PIK3R5: variants seen among roughly 807,000 people sequenced by gnomAD.
PIK3R5 encodes the protein phosphoinositide-3-kinase regulatory subunit 5.
A neutral mutation model predicts 94.9 loss-of-function variants in PIK3R5; 32 were observed. The ratio of observed to expected loss-of-function variants is 0.34; its 90% CI spans 0.25 to 0.45. The LOEUF is 0.45. Among genes scored for constraint, PIK3R5 ranks in the 20% least tolerant of loss-of-function variants. PIK3R5 has a pLI of 1.00. For missense variants in PIK3R5, 853 were observed against 1,144.6 expected, an observed-to-expected ratio of 0.75 and a Z score of 3.68; for synonymous variants, 443 against 479.4, an observed-to-expected ratio of 0.92 and a Z score of 0.99.
At chr17:8,931,618 C>T (rs903618116) in intron 1 of PIK3R5, among the ~76,000 whole-genome samples, 6 of 152,182 alleles carry the variant, frequency 3.9e-5, no homozygotes, top group African/African-American at 1.2e-4. Context: ...AATGGCTGGA[C>T]TGTGTGGGGC....
rs572168209 is a variant in PIK3R5, at chr17:8,896,157, T to A, written c.413-2502A>T. 6.6e-6 allele frequency among the ~76,000 whole-genome samples: 1 copy of A among 152,198 alleles called. No individual in the cohort carries two copies. The highest frequency in any genetic ancestry group is 6.5e-5 in the Admixed American group (1 of 15,280). The stretch of plus-strand genomic sequence containing the variant: ...GTACTGCCGAGTCCCCATTTGCTGG[T>A]ATGTGCTGTGAGGTTGGAAATATCT... On this transcript the variant is annotated intron_variant, in intron 5 of 18. Transcript: ENST00000447110. The surrounding 1 kb of genome is among the most constrained non-coding windows in gnomAD (Gnocchi z 4.0).
rs373087089 is a variant in PIK3R5, at chr17:8,911,374, C to T, written c.103+18G>A. Reference sequence around the variant, plus strand: ...TTCCTTGAGCCCTCAAACACCTCCCCGGCTCCCTTGGACCGACCTGACCAG... The same window carrying T: ...TTCCTTGAGCCCTCAAACACCTCCCTGGCTCCCTTGGACCGACCTGACCAG... On this transcript the variant is annotated intron_variant, in intron 2 of 18. Transcript: ENST00000447110. The surrounding 1 kb of genome is among the most constrained non-coding windows in gnomAD (Gnocchi z 5.3). 24 of 1,591,286 alleles carry T rather than the reference C, an allele frequency of 1.5e-5. No homozygotes were observed. Among genetic ancestry groups the T allele is most frequent in the African/African-American group, 9.4e-5 (7 of 74,772 alleles).
At chr17:8,940,447 G>A (rs780761315) in intron 1 of PIK3R5, among the ~76,000 whole-genome samples, 25 of 152,340 alleles carry the variant, frequency 1.6e-4, no homozygotes, top group Non-Finnish European at 3.2e-4. Flanking sequence ...GAAAACTCAC[G>A]AAGGGACGCC....
rs531548138 is a variant in PIK3R5, at chr17:8,884,356, C to A, written c.2205+351G>T. Among the ~76,000 whole-genome samples the A allele has an allele frequency of 2.3e-4, 35 of 152,206 alleles. No individual in the cohort carries two copies. The East Asian group carries it at 5.6e-3, about 24-fold the overall frequency. On this transcript the variant is annotated intron_variant, in intron 15 of 18. Coordinates refer to ENST00000447110, the MANE Select transcript of PIK3R5 (RefSeq NM_001142633.3). This position sits in a 1 kb window ranked among gnomAD's most constrained non-coding sequence, Gnocchi z 5.8. Reference sequence around the variant, plus strand: ...CATGCAGCCTGCCAGGCACACTGGCCCCCCGAGACCCTGGCTTCTCCCTGA... The same window carrying A: ...CATGCAGCCTGCCAGGCACACTGGCACCCCGAGACCCTGGCTTCTCCCTGA...
chr17:8,895,579 T>C (rs1462299997), intron 5 of PIK3R5, among the ~76,000 whole-genome samples: 1 of 152,130 alleles, frequency 6.6e-6, no homozygotes, highest in African/African-American at 2.4e-5. Flanking sequence ...TGTTTTGGAG[T>C]GCTTGGTACT....
chr17:8,895,267 CT>C (rs1486341901), intron 5 of PIK3R5, among the ~76,000 whole-genome samples: 5 of 152,202 alleles, frequency 3.3e-5, no homozygotes, highest in Non-Finnish European at 7.3e-5. Flanking sequence ...GCAAAATCTT[CT>C]CTTGACCTTA....
chr17:8,932,197 T>G (rs987192268), intron 1 of PIK3R5, among the ~76,000 whole-genome samples: 1 of 152,148 alleles, frequency 6.6e-6, no homozygotes, highest in African/African-American at 2.4e-5. Flanking sequence ...ACAGAGCAAG[T>G]TAACAGATGG....
At position 8,888,189 on chromosome 17, in the gene PIK3R5, C is replaced by G. The variant is rs1210770369; in HGVS notation, c.1598G>C (p.Arg533Pro). 5 of 1,613,376 alleles carry G rather than the reference C, an allele frequency of 3.1e-6. No individual in the cohort carries two copies. In the Admixed American group the frequency reaches 5.0e-5, roughly 16 times the overall value. The change falls in exon 10 of 19, where the codon CGG (arginine) becomes CCG (proline). Residue 533 changes from arginine to proline, a missense_variant. Around this residue, in one of 6 missense-constraint regions of PIK3R5, gnomAD observed 319 missense variants for 339.8 expected, o/e 0.94. Transcript: ENST00000447110. The surrounding 1 kb of genome is among the most constrained non-coding windows in gnomAD (Gnocchi z 7.8). Reference sequence around the variant, plus strand: ...CTCTTACCGAAGGTTGCTGTACGCCCGAGCCACCTTCCCTGAAATCCGATC... The same window carrying G: ...CTCTTACCGAAGGTTGCTGTACGCCGGAGCCACCTTCCCTGAAATCCGATC... ...GSDRISGKVA[R>P]AYSNLRRLEN...
At chr17:8,957,739 A>G (rs1251236201) in intron 1 of PIK3R5, among the ~76,000 whole-genome samples, 1 of 152,104 alleles carries the variant, frequency 6.6e-6, no homozygotes, top group East Asian at 1.9e-4. Context: ...TGAGCCTGGG[A>G]GCTCTGAGGT....
chr17:8,882,105 C>G lies in PIK3R5; in HGVS notation c.2206-224G>C, dbSNP rs1466222247. ...TCTAGGGGTCAGCAGCCTCTGTGAC[C>G]AGGTTGAAAGGTACAAGAGCTGAGA... On this transcript the variant is annotated intron_variant, in intron 15 of 18. Coordinates refer to ENST00000447110, the MANE Select transcript of PIK3R5 (RefSeq NM_001142633.3). The surrounding 1 kb of genome is among the most constrained non-coding windows in gnomAD (Gnocchi z 4.1). 3.6e-6 allele frequency: 2 copies of G among 560,732 alleles called. No individual in the cohort carries two copies. Among genetic ancestry groups the G allele is most frequent in the Non-Finnish European group, 6.4e-6 (2 of 312,058 alleles). 34.7% of individuals were successfully genotyped at this position (560,732 alleles called of 1,614,324 possible). A position where few individuals can be genotyped will look rare whatever the true frequency, so the allele number is the denominator to read the frequency against.
intron 6 of PIK3R5, 111 bp from the exon 7 acceptor site, chr17:8,891,023 C>T: frequency 1.9e-6 from 2 of 1,031,242 alleles, no homozygotes; most frequent in East Asian, 2.6e-5. Context: ...AGGGCCTCCT[C>T]AAGCCCAGGC....
In PIK3R5 at chr17:8,890,363, G is replaced by A. The variant is rs373168626; in HGVS notation, c.658-237C>T. 6.2e-4 allele frequency among the ~76,000 whole-genome samples: 94 copies of A among 152,276 alleles called. 4 individuals carry two copies. The South Asian group carries it at 0.018, about 30-fold the overall frequency. ...CACTGCAGTTAGGAGGGACTTCAGC[G>A]CTCCTCACTGTACCCCATAGAGGGG... is the stretch of plus-strand genomic sequence containing the variant. On this transcript the variant is annotated intron_variant, in intron 7 of 18. Coordinates refer to ENST00000447110, the MANE Select transcript of PIK3R5 (RefSeq NM_001142633.3). The surrounding 1 kb of genome is among the most constrained non-coding windows in gnomAD (Gnocchi z 6.1).
chr17:8,940,685 C>G (rs959459232), intron 1 of PIK3R5, among the ~76,000 whole-genome samples: 1 of 152,106 alleles, frequency 6.6e-6, no homozygotes, highest in Admixed American at 6.5e-5. Flanking sequence ...CTCAGCCTTC[C>G]GAGTAGCTGG....
chr17:8,884,869 C>A lies in PIK3R5; in HGVS notation c.2129-86G>T. 3 of 1,052,690 alleles carry A rather than the reference C, an allele frequency of 2.8e-6. No individual in the cohort carries two copies. The highest frequency in any genetic ancestry group is 2.9e-6 in the Non-Finnish European group (2 of 684,126). The allele number at this position is 1,052,690 out of a possible 1,614,324, so 65.2% of individuals were successfully genotyped here. On this transcript the variant is annotated intron_variant, in intron 14 of 18. Coordinates refer to ENST00000447110, the MANE Select transcript of PIK3R5 (RefSeq NM_001142633.3). The surrounding 1 kb of genome is among the most constrained non-coding windows in gnomAD (Gnocchi z 5.8). ...AGTGGCCTTGCCTCCCTGGGCCTTA[C>A]CTCCCCATCCCCTACCACATGGACC...
Position 8,888,536 on chromosome 17 carries a change from A to G in PIK3R5, c.1251T>C (p.Pro417=). ...TATAGATCCTGATGAACTTCTGCCC[A>G]GGCCTGCGGTGGCCTCGGCGTTCCT... ...GSQERRGHRR[P]GQKFIRIYKL... The change falls in exon 10 of 19, where the codon CCT becomes CCC. Residue 417 remains proline (P), a synonymous_variant. Transcript: ENST00000447110. The surrounding 1 kb of genome is among the most constrained non-coding windows in gnomAD (Gnocchi z 7.8). 2 of 1,611,870 alleles carry G rather than the reference A, an allele frequency of 1.2e-6. No individual in the cohort carries two copies. The highest frequency in any genetic ancestry group is 1.1e-5 in the South Asian group (1 of 90,906).
intron 5 of PIK3R5, among the ~76,000 whole-genome samples, chr17:8,899,747 A>G (rs1400375873): frequency 6.6e-6 from 1 of 152,118 alleles, no homozygotes; most frequent in Non-Finnish European, 1.5e-5. Context: ...CCTGTTGAAA[A>G]TCATAGGAAA....
At chr17:8,958,138 C>A (rs909800648) in intron 1 of PIK3R5, among the ~76,000 whole-genome samples, 2 of 152,052 alleles carry the variant, frequency 1.3e-5, no homozygotes, top group Non-Finnish European at 2.9e-5. Context: ...TGGTGAATCC[C>A]CGTCTCTACT....
chr17:8,949,353 T>C (rs775235490), intron 1 of PIK3R5, among the ~76,000 whole-genome samples: 5 of 152,198 alleles, frequency 3.3e-5, no homozygotes, highest in Non-Finnish European at 5.9e-5. Context: ...AAGGGTCCGA[T>C]ATTGAAACAT....
rs141893152 is a variant in PIK3R5, at chr17:8,880,771, C to T, written c.2511G>A (p.Pro837=). The change falls in exon 19 of 19, where the codon CCG becomes CCA. Residue 837 remains proline (P), a synonymous_variant. Transcript: ENST00000447110. ...LQSVVRCEVS[P]CYKPEKSDLS... Reference sequence around the variant, plus strand: ...GGTCGCTCTTCTCTGGCTTGTAGCACGGTGAGACCTCACATCTGTGCAGCA... The same window carrying T: ...GGTCGCTCTTCTCTGGCTTGTAGCATGGTGAGACCTCACATCTGTGCAGCA... 108 of 1,613,542 alleles carry T rather than the reference C, an allele frequency of 6.7e-5. No individual in the cohort carries two copies. The highest frequency in any genetic ancestry group is 4.1e-4 in the African/African-American group (31 of 75,048).
Sources: allele counts gnomAD v4.1 joint callset (sites outside exome capture counted in the v4.1 genomes callset), GRCh38; gene constraint gnomAD v4.1.1; regional missense constraint gnomAD v4.1.1; non-coding constraint Gnocchi (gnomAD v3.1); transcripts MANE v1.5; gene names NCBI Gene and HGNC (gene_info 2026-07-23, HGNC 2026-07-21).